Variants in PROSER1 observed in about 807,000 individuals in gnomAD.
The protein encoded by PROSER1 is proline and serine-rich protein 1.
PROSER1 carries 36 observed loss-of-function variants against 71.8 expected under a neutral mutation model. The ratio of observed to expected loss-of-function variants is 0.50; its 90% CI spans 0.38 to 0.66. PROSER1 has a LOEUF of 0.66. Among genes scored for constraint, PROSER1 ranks in the 30% least tolerant of loss-of-function variants. PROSER1 has a pLI of 0.00. For synonymous variants in PROSER1, 490 were observed against 452.4 expected (o/e 1.08, Z -1.06); for missense variants, 1,107 against 1,135.0 (o/e 0.98, Z 0.35).
At chr13:39,019,154 T>C (rs1309809957) in intron 9 of PROSER1, among the ~76,000 whole-genome samples, 3 of 151,774 alleles carry the variant, frequency 2.0e-5, no homozygotes, top group Non-Finnish European at 4.4e-5. Flanking sequence ...TTTAAAGAAA[T>C]TAAATATCAG....
At chr13:39,018,611 T>C (rs1040067897) in intron 9 of PROSER1, among the ~76,000 whole-genome samples, 1 of 151,128 alleles carries the variant, frequency 6.6e-6, no homozygotes, top group Non-Finnish European at 1.5e-5. Flanking sequence ...ATAAAATGAC[T>C]AAAAGTTAAA....
chr13:39,018,696 T>C (rs1160835572), intron 9 of PROSER1, among the ~76,000 whole-genome samples: 1 of 151,722 alleles, frequency 6.6e-6, no homozygotes, highest in African/African-American at 2.4e-5. Context: ...ATGTCATAAA[T>C]GAATGGGTTA....
In PROSER1 at chr13:39,014,451, G is replaced by A. The variant is rs202081124; in HGVS notation, c.801C>T (p.Leu267=). 5.0e-6 allele frequency: 8 copies of A among 1,609,630 alleles called. No individual in the cohort carries two copies. The highest frequency in any genetic ancestry group is 1.7e-5 in the Admixed American group (1 of 59,896). ...NQTFSTPASQ[L]FSPHGSNPST... is the part of the protein sequence containing the mutation. ...AAGGATTAGAACCATGAGGAGAAAAGAGTTGACTTGCTGGGGTGGAAAATG... is the reference window on the plus strand; with the variant it reads ...AAGGATTAGAACCATGAGGAGAAAAAAGTTGACTTGCTGGGGTGGAAAATG... Residue 267 remains leucine, a synonymous_variant, in exon 11 of 13, where the codon CTC becomes CTT. Transcript: ENST00000352251.
chr13:39,029,247 TAA>T (rs34146778), intron 4 of PROSER1, 32 bp downstream of exon 4: 56,685 of 711,912 alleles, frequency 0.08, no homozygotes, highest in Non-Finnish European at 0.088. Flanking sequence ...TTTTCCCAAG[TAA>T]AAAAAAAAAA....
chr13:39,031,383 T>G (rs1436235181), intron 3 of PROSER1, among the ~76,000 whole-genome samples, 180 bp downstream of exon 3: 1 of 152,250 alleles, frequency 6.6e-6, no homozygotes, highest in Non-Finnish European at 1.5e-5. Context: ...AGCATACAAT[T>G]TAAATGTACA....
chr13:39,018,478 AC>A (rs1870114099), intron 9 of PROSER1, among the ~76,000 whole-genome samples: 10 of 134,334 alleles, frequency 7.4e-5, no homozygotes, highest in African/African-American at 2.9e-5. Context: ...AACCCGACAC[AC>A]ACACACACAC....
intron 6 of PROSER1, 36 bp from the exon 7 acceptor site, chr13:39,024,592 A>T (rs1157819870): frequency 2.5e-6 from 3 of 1,198,900 alleles, no homozygotes; most frequent in South Asian, 1.5e-5. Flanking sequence ...ATTGAAACTT[A>T]AAAAAAAAAC....
intron 10 of PROSER1, 77 bp from the exon 11 acceptor site, chr13:39,014,553 AT>A: frequency 9.7e-7 from 1 of 1,035,634 alleles, no homozygotes. Context: ...AAGCATAACC[AT>A]TTTTGTAATA....
intron 10 of PROSER1, among the ~76,000 whole-genome samples, chr13:39,014,875 A>T: frequency 6.6e-6 from 1 of 152,338 alleles, no homozygotes; most frequent in Non-Finnish European, 1.5e-5. Context: ...GAGCTTTCAG[A>T]ACATGGCTTC....
intron 12 of PROSER1, 81 bp downstream of exon 12, chr13:39,012,002 G>A (rs1419635850): frequency 1.2e-5 from 17 of 1,379,934 alleles, no homozygotes; most frequent in Middle Eastern, 2.1e-4. Flanking sequence ...TTGGGATATC[G>A]CAAATGATAC....
intron 3 of PROSER1, among the ~76,000 whole-genome samples, chr13:39,029,638 G>C (rs1870738081): frequency 6.6e-6 from 1 of 152,018 alleles, no homozygotes; most frequent in African/African-American, 2.4e-5. Flanking sequence ...AATGTGTTCA[G>C]TTACAGAATT....
In PROSER1 at chr13:39,023,089, C is replaced by T. The variant is rs1345050395; in HGVS notation, c.606G>A (p.Pro202=). ...TYNPHKPVPY[P]IPPCRPHATI... ...TTGCATGTGGTCGGCATGGAGGTATCGGATAAGGAACAGGTTTATGTGGAT... is the reference window on the plus strand; with the variant it reads ...TTGCATGTGGTCGGCATGGAGGTATTGGATAAGGAACAGGTTTATGTGGAT... The change falls in exon 8 of 13, where the codon CCG becomes CCA. Residue 202 remains proline, a synonymous_variant. Coordinates refer to ENST00000352251, the MANE Select transcript of PROSER1 (RefSeq NM_025138.5). 3.7e-6 allele frequency: 6 copies of T among 1,612,934 alleles called. No individual in the cohort carries two copies. The highest frequency in any genetic ancestry group is 1.3e-5 in the African/African-American group (1 of 74,834).
chr13:39,034,286 C>T (rs1870994596), intron 1 of PROSER1, 90 bp from the exon 2 acceptor site: 1 of 1,026,490 alleles, frequency 9.7e-7, no homozygotes. Context: ...ACTGCCCAAG[C>T]AACTCAACAG....
intron 6 of PROSER1, among the ~76,000 whole-genome samples, chr13:39,025,580 C>CA (rs1170082491): frequency 1.3e-5 from 2 of 152,288 alleles, no homozygotes; most frequent in Non-Finnish European, 2.9e-5. Flanking sequence ...TGGTGGACAA[C>CA]AAAGGACTCC....
intron 10 of PROSER1, among the ~76,000 whole-genome samples, chr13:39,015,747 C>G (rs1441302478): frequency 6.6e-6 from 1 of 151,922 alleles, no homozygotes; most frequent in East Asian, 1.9e-4. Context: ...TAAACTGAAA[C>G]TCAAAAGTCC....
chr13:39,012,712 G>A lies in PROSER1; in HGVS notation c.2540C>T (p.Ser847Phe), dbSNP rs372825399. The A allele has an allele frequency of 1.6e-5, 26 of 1,591,126 alleles. No homozygotes were observed. Among genetic ancestry groups the A allele is most frequent in the Non-Finnish European group, 2.1e-5 (25 of 1,169,020 alleles). The change falls in exon 11 of 13, where the codon TCC (serine) becomes TTC (phenylalanine). Residue 847 changes from serine (S) to phenylalanine (F), a missense_variant. Transcript: ENST00000352251. ...FASAFSSNFNSALVAQAGLSS... is the reference protein window; with the variant it reads ...FASAFSSNFNFALVAQAGLSS... The stretch of plus-strand genomic sequence containing the variant: ...ATACCCGGCTTGTGCAACAAGAGCG[G>A]AGTTGAAATTGGAACTGAATGCTGA...
Position 39,014,100 on chromosome 13 carries a change from A to G in PROSER1, c.1152T>C (p.Pro384=). The G allele has an allele frequency of 6.2e-7, 1 of 1,614,204 alleles. No homozygotes were observed. ...TGGAACCAAGAGTGGACCGTGGTGT[A>G]GGTCCTGGGGTAGGAGTGGCTGCGG... ...TPTAATPTPG[P]TPRSTLGSSE... is the part of the protein sequence containing the mutation. The change falls in exon 11 of 13, where the codon CCT becomes CCC. Residue 384 remains proline, a synonymous_variant. Coordinates refer to ENST00000352251, the MANE Select transcript of PROSER1 (RefSeq NM_025138.5).
In PROSER1 at chr13:39,012,894, G is replaced by C. The variant is rs773093191; in HGVS notation, c.2358C>G (p.Pro786=). The C allele has an allele frequency of 1.2e-6, 2 of 1,614,068 alleles. No homozygotes were observed. Among genetic ancestry groups the C allele is most frequent in the Admixed American group, 1.7e-5 (1 of 60,004 alleles). Residue 786 remains proline, a synonymous_variant, in exon 11 of 13, where the codon CCC becomes CCG. Transcript: ENST00000352251. ...TAGAGACAGAAAAGCCTGGATAGGA[G>C]GGATTTGAAGATGACAGAGGTCCTT... The part of the protein sequence containing the change: ...VTQGPLSSSN[P]SYPGFSVSNT...
intron 9 of PROSER1, among the ~76,000 whole-genome samples, chr13:39,020,973 C>T (rs187232698): frequency 6.6e-6 from 1 of 152,316 alleles, no homozygotes; most frequent in African/African-American, 2.4e-5. Flanking sequence ...TTCTCCATAG[C>T]ACGTCAAAGT....
Sources: allele counts gnomAD v4.1 joint callset (sites outside exome capture counted in the v4.1 genomes callset), GRCh38; gene constraint gnomAD v4.1.1; transcripts MANE v1.5; gene names NCBI Gene and HGNC (gene_info 2026-07-23, HGNC 2026-07-21).